The following NLGN4Y variants were observed in gnomAD, a reference collection of about 807,000 sequenced individuals.
NLGN4Y encodes the protein neuroligin 4 Y-linked, also known as neuroligin-4, Y-linked.
NLGN4Y carries 4 observed loss-of-function variants against 8.4 expected under a neutral mutation model. That is an observed-to-expected ratio of 0.48 (90% CI 0.23 to 1.09). The LOEUF (loss-of-function observed/expected upper bound fraction) is 1.09. NLGN4Y is among the 50% of genes least tolerant of loss of function. The pLI is 0.19. For synonymous variants in NLGN4Y, 35 were observed against 75.6 expected, an observed-to-expected ratio of 0.46 and a Z score of 2.78; for missense variants, 90 against 192.3, an observed-to-expected ratio of 0.47 and a Z score of 3.15.
chrY:14,620,163 T>G, intron 1 of NLGN4Y, among the ~76,000 whole-genome samples: 1 of 33,033 alleles, frequency 3.0e-5, no homozygotes, highest in Non-Finnish European at 7.4e-5. Flanking sequence ...CACCTACCCC[T>G]GAAGCCAAAA....
chrY:14,626,344 C>T, intron 2 of NLGN4Y, among the ~76,000 whole-genome samples: 1 of 32,917 alleles, frequency 3.0e-5, no homozygotes, highest in African/African-American at 1.2e-4. Context: ...TGGTTCCTTC[C>T]GGAGTAGTTC....
intron 4 of NLGN4Y, among the ~76,000 whole-genome samples, chrY:14,744,372 C>T: frequency 6.0e-5 from 2 of 33,476 alleles, no homozygotes; most frequent in Non-Finnish European, 1.5e-4. Flanking sequence ...GTCCTTATAC[C>T]AATGAATCAC....
chrY:14,651,532 C>A (rs2080629938), intron 2 of NLGN4Y, among the ~76,000 whole-genome samples: 1 of 33,180 alleles, frequency 3.0e-5, no homozygotes, highest in Non-Finnish European at 7.5e-5. Flanking sequence ...GTTCAACCAT[C>A]CTTTTGGATT....
At chrY:14,822,967 A>C in intron 4 of NLGN4Y, among the ~76,000 whole-genome samples, 1 of 33,162 alleles carries the variant, frequency 3.0e-5, no homozygotes, top group African/African-American at 1.2e-4. Context: ...CTCTCCTTGA[A>C]GCTGCAGGCA....
intron 1 of NLGN4Y, among the ~76,000 whole-genome samples, chrY:14,589,738 C>T (rs751510962): frequency 1.2e-3 from 40 of 34,486 alleles, no homozygotes; most frequent in African/African-American, 4.2e-3. Flanking sequence ...GATCCCACAC[C>T]GAGGCTGCAG....
chrY:14,681,382 C>T, intron 2 of NLGN4Y, among the ~76,000 whole-genome samples: 1 of 32,694 alleles, frequency 3.1e-5, no homozygotes, highest in Non-Finnish European at 7.5e-5. Context: ...AACTCACTCA[C>T]TATCATGAGA....
At chrY:14,641,317 A>G (rs2150515768) in intron 2 of NLGN4Y, among the ~76,000 whole-genome samples, 1 of 33,865 alleles carries the variant, frequency 3.0e-5, no homozygotes, top group East Asian at 7.8e-4. Context: ...TATATCAAAA[A>G]AAAAGAAGAA....
intron 4 of NLGN4Y, among the ~76,000 whole-genome samples, chrY:14,728,271 T>C (rs2080961640): frequency 3.0e-5 from 1 of 33,829 alleles, no homozygotes; most frequent in Admixed American, 2.7e-4. Flanking sequence ...GGTACAGTCA[T>C]TGTGGAAAAC....
intron 4 of NLGN4Y, among the ~76,000 whole-genome samples, chrY:14,783,591 A>G: frequency 3.0e-5 from 1 of 33,855 alleles, no homozygotes; most frequent in Non-Finnish European, 7.3e-5. Context: ...ACTTAAATAT[A>G]CATATTTCCA....
chrY:14,571,029 G>C, intron 1 of NLGN4Y, among the ~76,000 whole-genome samples: 1 of 32,673 alleles, frequency 3.1e-5, no homozygotes, highest in African/African-American at 1.2e-4. Flanking sequence ...CCAAGTCTTT[G>C]CTATTGTGAA....
chrY:14,574,093 T>A (rs2080286882), intron 1 of NLGN4Y, among the ~76,000 whole-genome samples: 1 of 33,520 alleles, frequency 3.0e-5, no homozygotes, highest in African/African-American at 1.2e-4. Context: ...GTTGGAGAGT[T>A]CTGTAGATAT....
chrY:14,645,163 A>AT (rs1238077609), intron 2 of NLGN4Y, among the ~76,000 whole-genome samples: 661 of 13,315 alleles, frequency 0.05, no homozygotes, highest in African/African-American at 0.27. Context: ...TTGGACCTGA[A>AT]TTTTTTTTTT....
chrY:14,581,772 C>G, intron 1 of NLGN4Y, among the ~76,000 whole-genome samples: 3 of 33,570 alleles, frequency 8.9e-5, no homozygotes, highest in Non-Finnish European at 2.2e-4. Context: ...TATGATCTGG[C>G]CTTTCCCAAG....
intron 1 of NLGN4Y, among the ~76,000 whole-genome samples, chrY:14,548,803 A>G (rs757139541): frequency 6.1e-5 from 2 of 32,905 alleles, no homozygotes; most frequent in African/African-American, 2.4e-4. Context: ...ATTTTCTTCC[A>G]CTGCCTAATA....
chrY:14,630,160 T>A, intron 2 of NLGN4Y, among the ~76,000 whole-genome samples: 1 of 33,433 alleles, frequency 3.0e-5, no homozygotes, highest in Non-Finnish European at 7.4e-5. Flanking sequence ...GACCTTCCAA[T>A]AGAGAGAATT....
intron 1 of NLGN4Y, among the ~76,000 whole-genome samples, chrY:14,535,513 T>C: frequency 9.4e-5 from 3 of 31,948 alleles, no homozygotes; most frequent in Admixed American, 2.9e-4. Flanking sequence ...ACAAGTTACA[T>C]TGAAGTTAAA....
At chrY:14,811,027 T>G in intron 4 of NLGN4Y, among the ~76,000 whole-genome samples, 1 of 33,484 alleles carries the variant, frequency 3.0e-5, no homozygotes, top group Admixed American at 2.7e-4. Context: ...TCAAAGGCAC[T>G]GAATTTCAAC....
chrY:14,622,178 T>C lies in NLGN4Y; in HGVS notation c.59T>C (p.Met20Thr). 2.5e-6 allele frequency: 1 copy of C among 399,063 alleles called. No homozygotes were observed. Among genetic ancestry groups the C allele is most frequent in the Non-Finnish European group, 3.5e-6 (1 of 283,536 alleles). Residue 20 changes from methionine to threonine, a missense_variant, in exon 2 of 7, where the codon ATG becomes ACG. By Grantham distance (81) the Met-to-Thr change is moderately conservative. Around this residue, in one of 4 missense-constraint regions of NLGN4Y, gnomAD observed 37 missense variants for 38.5 expected, o/e 0.96. Transcript: ENST00000684976. ...TTGTTGTTCACCTCTGTCTGTGTCATGTTAAACTCCAATGTTCTTCTGTGG... is the reference window on the plus strand; with the variant it reads ...TTGTTGTTCACCTCTGTCTGTGTCACGTTAAACTCCAATGTTCTTCTGTGG... Reference protein sequence around the residue: ...LPLLFTSVCVMLNSNVLLWIT... With the variant: ...LPLLFTSVCVTLNSNVLLWIT...
intron 2 of NLGN4Y, among the ~76,000 whole-genome samples, chrY:14,717,502 G>A: frequency 3.3e-5 from 1 of 30,648 alleles, no homozygotes; most frequent in Admixed American, 3.0e-4. Context: ...AGGTTGTAGT[G>A]AGCCGAGATC....
Sources: allele counts gnomAD v4.1 joint callset (sites outside exome capture counted in the v4.1 genomes callset), GRCh38; gene constraint gnomAD v4.1.1; regional missense constraint gnomAD v4.1.1; transcripts MANE v1.5; gene names NCBI Gene and HGNC (gene_info 2026-07-23, HGNC 2026-07-21).